The following GRAMD1B variants were observed in gnomAD, a reference collection of about 807,000 sequenced individuals.
GRAMD1B encodes the protein protein Aster-B.
In GRAMD1B, 37 loss-of-function variants were observed where a neutral mutation model predicts 99.7. The observed-to-expected ratio is 0.37, with a 90% CI of 0.29 to 0.49. GRAMD1B has a LOEUF of 0.49. GRAMD1B is among the 20% of genes least tolerant of loss of function. GRAMD1B has a pLI of 0.98. For synonymous variants in GRAMD1B, 427 were observed against 387.6 expected, an observed-to-expected ratio of 1.10 and a Z score of -1.19; for missense variants, 888 against 1,009.2, an observed-to-expected ratio of 0.88 and a Z score of 1.63.
intron 1 of GRAMD1B, among the ~76,000 whole-genome samples, chr11:123,395,553 G>A (rs370443977): frequency 3.3e-5 from 5 of 152,152 alleles, no homozygotes; most frequent in African/African-American, 1.2e-4. Context: ...AAATATCAGA[G>A]TTCCCCCAGG....
chr11:123,386,842 C>T (rs917389559), intron 1 of GRAMD1B, among the ~76,000 whole-genome samples: 7 of 152,234 alleles, frequency 4.6e-5, no homozygotes, highest in Admixed American at 3.9e-4. Flanking sequence ...AGAGCATGCT[C>T]GGCAGATGAA....
intron 1 of GRAMD1B, among the ~76,000 whole-genome samples, chr11:123,438,867 G>A (rs1949281768): frequency 6.6e-6 from 1 of 152,202 alleles, no homozygotes; most frequent in Non-Finnish European, 1.5e-5. Context: ...TAAGCTGCCA[G>A]TGGGGAATTT....
At chr11:123,585,404 A>G (rs1418515593) in intron 4 of GRAMD1B, among the ~76,000 whole-genome samples, 1 of 152,178 alleles carries the variant, frequency 6.6e-6, no homozygotes, top group East Asian at 1.9e-4. Flanking sequence ...GTGGCTGCCA[A>G]CATCCTGCTG....
chr11:123,412,304 G>C (rs372628690), intron 1 of GRAMD1B, among the ~76,000 whole-genome samples: 1 of 152,274 alleles, frequency 6.6e-6, no homozygotes, highest in South Asian at 2.1e-4. Context: ...AATAATTATT[G>C]CTGTTAAAGA....
chr11:123,612,985 T>C, intron 15 of GRAMD1B, 121 bp downstream of exon 15: 1 of 647,500 alleles, frequency 1.5e-6, no homozygotes, highest in South Asian at 1.9e-5. Context: ...TGAAGTAGTT[T>C]CATGAGGTAC....
chr11:123,599,215 C>T (rs971939395), intron 7 of GRAMD1B: 1 of 761,712 alleles, frequency 1.3e-6, no homozygotes, highest in Non-Finnish European at 2.5e-6. Context: ...TCAGAAAATT[C>T]CTTGGGTCCT....
At chr11:123,570,421 C>CTTT (rs755038860) in intron 2 of GRAMD1B, among the ~76,000 whole-genome samples, 94 of 130,582 alleles carry the variant, frequency 7.2e-4, no homozygotes, top group African/African-American at 2.5e-3. Flanking sequence ...TTTTTCTTTT[C>CTTT]TTTTTTTTTT....
chr11:123,602,328 TTTTACTCCCAATGGAATATTGTTCA>T (rs1258930525), intron 8 of GRAMD1B, among the ~76,000 whole-genome samples: 1 of 151,370 alleles, frequency 6.6e-6, no homozygotes. Context: ...TTATTGTTAT[TTTTACTCCCAATGGAATATTGTTCA>T]ATTTTTATTT....
At chr11:123,555,096 T>C (rs1946039718) in intron 2 of GRAMD1B, among the ~76,000 whole-genome samples, 1 of 152,094 alleles carries the variant, frequency 6.6e-6, no homozygotes, top group Non-Finnish European at 1.5e-5. Context: ...CGCCCTCTAC[T>C]GACAAGATAT....
chr11:123,462,648 A>T (rs1004296356), intron 1 of GRAMD1B, among the ~76,000 whole-genome samples: 6 of 152,186 alleles, frequency 3.9e-5, no homozygotes, highest in Non-Finnish European at 2.9e-5. Flanking sequence ...AAAAACCTTA[A>T]ACTGAAATCC....
intron 1 of GRAMD1B, among the ~76,000 whole-genome samples, chr11:123,376,538 G>A (rs941677825): frequency 7.9e-5 from 12 of 152,088 alleles, no homozygotes; most frequent in African/African-American, 2.2e-4. Context: ...ACAGACAATC[G>A]GAACTATCTT....
intron 2 of GRAMD1B, among the ~76,000 whole-genome samples, chr11:123,520,786 A>G: frequency 6.6e-6 from 1 of 150,450 alleles, no homozygotes; most frequent in East Asian, 1.9e-4. Context: ...CAAAAAAAAA[A>G]AAAAAAAGAA....
chr11:123,586,782 A>T (rs1426240062), intron 4 of GRAMD1B, among the ~76,000 whole-genome samples: 1 of 152,182 alleles, frequency 6.6e-6, no homozygotes, highest in Non-Finnish European at 1.5e-5. Flanking sequence ...GCTGGTTGGA[A>T]TCTGCCCTTC....
intron 7 of GRAMD1B, among the ~76,000 whole-genome samples, chr11:123,597,332 C>A (rs2136637331): frequency 6.8e-6 from 1 of 147,408 alleles, no homozygotes; most frequent in Middle Eastern, 3.7e-3. Context: ...TCTCAAGCAA[C>A]CCTCCTGCCT....
rs1241200028 is a variant in GRAMD1B, at chr11:123,430,659, G to A, written c.-134G>A. On this transcript the variant is annotated 5_prime_UTR_variant, in exon 1 of 20. Transcript: ENST00000635736. The stretch of plus-strand genomic sequence containing the variant: ...TCGCGTCCCTTCCTCGCTGCGCTCC[G>A]GGAAAGGAACTTGTTCCTTCGGCCC... The A allele has an allele frequency of 5.9e-6, 3 of 505,122 alleles. No homozygotes were observed. Among genetic ancestry groups the A allele is most frequent in the East Asian group, 6.9e-5 (2 of 28,946 alleles). 31.3% of individuals were successfully genotyped at this position (505,122 alleles called of 1,614,324 possible).
intron 16 of GRAMD1B, among the ~76,000 whole-genome samples, chr11:123,614,218 G>A (rs879279431): frequency 6.6e-6 from 1 of 152,230 alleles, no homozygotes; most frequent in Admixed American, 6.5e-5. Context: ...GATATGGACA[G>A]GGGAGGCAGA....
chr11:123,371,809 G>C (rs1330845957), intron 1 of GRAMD1B, among the ~76,000 whole-genome samples: 1 of 152,166 alleles, frequency 6.6e-6, no homozygotes, highest in Non-Finnish European at 1.5e-5. Context: ...TCCATGATTT[G>C]TCTATCCTTA....
chr11:123,522,020 G>A (rs148752574), intron 2 of GRAMD1B, among the ~76,000 whole-genome samples: 2 of 151,952 alleles, frequency 1.3e-5, no homozygotes, highest in African/African-American at 4.8e-5. Flanking sequence ...GGAAGTCTTT[G>A]CAATCTAGTT....
rs376162533 is a variant in GRAMD1B at position 123,509,002 on chromosome 11, TTA to T, written c.452+28111_452+28112del. Among the ~76,000 whole-genome samples the T allele has an allele frequency of 3.0e-3, 462 of 152,320 alleles. 2 individuals are homozygous for T. Among genetic ancestry groups the T allele is most frequent in the African/African-American group, 0.011 (449 of 41,558 alleles). ...GCCTGGCCGTGCCTTCTTTTTTAAATTATGTTTTACTTTATCTAACACTTGCT... is the reference window on the plus strand; with the variant it reads ...GCCTGGCCGTGCCTTCTTTTTTAAATTGTTTTACTTTATCTAACACTTGCT... On this transcript the variant is annotated intron_variant, in intron 2 of 19. Coordinates refer to ENST00000635736, the MANE Select transcript of GRAMD1B (RefSeq NM_001387025.1).
Sources: allele counts gnomAD v4.1 joint callset (sites outside exome capture counted in the v4.1 genomes callset), GRCh38; gene constraint gnomAD v4.1.1; transcripts MANE v1.5; gene names NCBI Gene and HGNC (gene_info 2026-07-23, HGNC 2026-07-21).